RP1: variants seen among roughly 807,000 people sequenced by gnomAD.
RP1 encodes the protein RP1 axonemal microtubule associated.
Under a neutral mutation model 14.8 loss-of-function variants are expected in RP1, and 16 were observed. The observed-to-expected ratio is 1.08, with a 90% CI of 0.73 to 1.65. RP1 has a LOEUF of 1.65. RP1 is among the 40% of genes most tolerant of loss of function. RP1 has a pLI of 0.00. For missense variants in RP1, 2,631 were observed against 2,535.0 expected (o/e 1.04, Z -0.81); for synonymous variants, 876 against 883.6 (o/e 0.99, Z 0.15).
At position 54,734,541 on chromosome 8, in the gene RP1, A is replaced by G. The variant is rs1180820597; in HGVS notation, c.2522-4A>G. 30 of 1,530,992 alleles carry G rather than the reference A, an allele frequency of 2.0e-5. No individual in the cohort carries two copies. The East Asian group carries it at 4.4e-4, about 22-fold the overall frequency. The allele number at this position is 1,530,992 out of a possible 1,614,324, so 94.8% of individuals were successfully genotyped here. Reference sequence around the variant, plus strand: ...TCTGCCACTAATGCTTTTTTCCCCCATAGAAGAAATCAGACATTTCCAAAG... The same window carrying G: ...TCTGCCACTAATGCTTTTTTCCCCCGTAGAAGAAATCAGACATTTCCAAAG... On this transcript the variant is annotated splice_polypyrimidine_tract_variant and splice_region_variant and intron_variant, in intron 17 of 22. Transcript: ENST00000636932.
At chr8:54,870,586 G>T (rs539216009) in exon 29 of RP1, 6 of 152,206 alleles carry the variant, frequency 3.9e-5, no homozygotes, top group African/African-American at 9.7e-5. Context: ...GCAGCAGAGC[G>T]CAGGGCAGAT....
chr8:54,710,326 C>G lies in RP1; in HGVS notation c.2211+3671C>G, dbSNP rs376671976. On this transcript the variant is annotated intron_variant, in intron 15 of 22. Transcript: ENST00000636932. The stretch of plus-strand genomic sequence containing the variant: ...AAAAACTGGCCAGCTGCTTTAGCAC[C>G]AGCAGGAGCAAACTCTGTGCAGGCC... Among the ~76,000 whole-genome samples, 334 of 152,328 alleles carry G rather than the reference C, an allele frequency of 2.2e-3. 11 individuals are homozygous for G. The South Asian group carries it at 0.063, about 29-fold the overall frequency.
intron 23 of RP1, among the ~76,000 whole-genome samples, chr8:54,778,116 G>C (rs140846854): frequency 6.6e-6 from 1 of 152,224 alleles, no homozygotes; most frequent in East Asian, 1.9e-4. Context: ...TGTGCCAAGT[G>C]TTGTATTAGG....
chr8:54,586,019 G>C (rs959811472), intron 1 of RP1, among the ~76,000 whole-genome samples: 18 of 152,236 alleles, frequency 1.2e-4, no homozygotes, highest in Admixed American at 5.2e-4. Context: ...TCTCCGTCCA[G>C]CTTTGTTCCG....
At chr8:54,611,919 C>T (rs1805606910), upstream of RP1, among the ~76,000 whole-genome samples, 1 of 140,740 alleles carries the variant, frequency 7.1e-6, no homozygotes, top group South Asian at 2.6e-4. Flanking sequence ...CTTCCTATTC[C>T]CCCCTGCCCC....
chr8:54,586,221 G>A (rs548500268), intron 1 of RP1, among the ~76,000 whole-genome samples: 1 of 152,184 alleles, frequency 6.6e-6, no homozygotes, highest in Non-Finnish European at 1.5e-5. Flanking sequence ...TAACAGTCAG[G>A]ACCCTCAGCT....
rs1374142484 is a variant in RP1 at position 54,741,785 on chromosome 8, A to C, written c.2808+2756A>C. On this transcript the variant is annotated intron_variant, in intron 19 of 22. Coordinates refer to the RP1 transcript ENST00000636932. Reference sequence around the variant, plus strand: ...TGCTTTGCCCTTTTAGTGAAATTGAATCATGCTATGTATGCACTTTGAGAT... The same window carrying C: ...TGCTTTGCCCTTTTAGTGAAATTGACTCATGCTATGTATGCACTTTGAGAT... Among the ~76,000 whole-genome samples the C allele has an allele frequency of 2.2e-5, 3 of 135,826 alleles. No individual in the cohort carries two copies. The East Asian group carries it at 6.6e-4, about 30-fold the overall frequency. The allele number at this position is 135,826 out of a possible 152,430, so 89.1% of individuals were successfully genotyped here.
At chr8:54,601,704 T>C (rs1322028297) in intron 1 of RP1, among the ~76,000 whole-genome samples, 1 of 151,104 alleles carries the variant, frequency 6.6e-6, no homozygotes, top group Non-Finnish European at 1.5e-5. Flanking sequence ...TAAATGCTAT[T>C]CAAATGGTGA....
At chr8:54,832,768 C>T (rs540387243) in intron 24 of RP1, among the ~76,000 whole-genome samples, 2 of 151,860 alleles carry the variant, frequency 1.3e-5, no homozygotes, top group South Asian at 2.1e-4. Flanking sequence ...TGGATCACCT[C>T]GAATGTAGGG....
At chr8:54,583,493 A>T (rs2129297667) in intron 1 of RP1, among the ~76,000 whole-genome samples, 1 of 152,298 alleles carries the variant, frequency 6.6e-6, no homozygotes, top group South Asian at 2.1e-4. Context: ...AGGCTTTGGT[A>T]TCAGGATGAT....
chr8:54,745,207 A>C (rs545354920), intron 19 of RP1, among the ~76,000 whole-genome samples: 1 of 152,316 alleles, frequency 6.6e-6, no homozygotes, highest in South Asian at 2.1e-4. Flanking sequence ...TTGTCATTGT[A>C]ATTGTCCCAG....
Position 54,630,553 on chromosome 8 carries a change from G to T in RP1, c.*200G>T. 1.5e-6 allele frequency: 2 copies of T among 1,352,496 alleles called. No individual in the cohort carries two copies. Among genetic ancestry groups the T allele is most frequent in the South Asian group, 1.7e-5 (1 of 57,432 alleles). 83.8% of individuals were successfully genotyped at this position (1,352,496 alleles called of 1,614,324 possible). On this transcript the variant is annotated 3_prime_UTR_variant, in exon 4 of 4. Transcript: ENST00000220676. ...TGTTTTTCCAACAATTACAGACTCA[G>T]GTTCTCTTATTTTGGAAGTTTCTAT...
At chr8:54,792,000 T>C (rs1810475979) in intron 24 of RP1, among the ~76,000 whole-genome samples, 1 of 152,000 alleles carries the variant, frequency 6.6e-6, no homozygotes, top group Non-Finnish European at 1.5e-5. Flanking sequence ...TAGGCTGTAG[T>C]TAGGGATGGA....
intron 24 of RP1, among the ~76,000 whole-genome samples, chr8:54,830,778 T>C (rs1339760447): frequency 6.6e-6 from 1 of 152,154 alleles, no homozygotes; most frequent in Non-Finnish European, 1.5e-5. Flanking sequence ...TGGTTCATGT[T>C]ATGCAGCCAC....
At chr8:54,865,807 A>G in intron 27 of RP1, 1 of 945,354 alleles carries the variant, frequency 1.1e-6, no homozygotes, top group Non-Finnish European at 1.4e-6. Flanking sequence ...TAAAGAGTTA[A>G]ATAAATCTCC....
At chr8:54,698,397 G>C (rs1272616710) in intron 12 of RP1, among the ~76,000 whole-genome samples, 1 of 152,210 alleles carries the variant, frequency 6.6e-6, no homozygotes, top group Non-Finnish European at 1.5e-5. Context: ...ACAGATACTG[G>C]AGAGGATGTG....
intron 25 of RP1, among the ~76,000 whole-genome samples, chr8:54,838,591 CTGAA>C (rs1289169594): frequency 5.3e-5 from 8 of 151,944 alleles, no homozygotes; most frequent in Non-Finnish European, 7.4e-5. Flanking sequence ...ATGTGCGTGA[CTGAA>C]TGTATGCATG....
At chr8:54,694,408 T>G (rs1338111464) in intron 12 of RP1, among the ~76,000 whole-genome samples, 2 of 152,230 alleles carry the variant, frequency 1.3e-5, no homozygotes, top group African/African-American at 2.4e-5. Context: ...CAGCTCCTCC[T>G]TGTAGCTCTG....
chr8:54,736,144 G>A (rs1365760274), intron 18 of RP1, among the ~76,000 whole-genome samples: 1 of 152,180 alleles, frequency 6.6e-6, no homozygotes, highest in Non-Finnish European at 1.5e-5. Context: ...CTAGATTGGA[G>A]TCCTTGCTTC....
Sources: gnomAD v4.1 joint callset for allele counts (sites outside exome capture counted in the v4.1 genomes callset) on GRCh38, gnomAD v4.1.1 for gene constraint, MANE v1.5 for transcripts, NCBI Gene and HGNC (gene_info 2026-07-23, HGNC 2026-07-21) for gene names.